CHRM5: variants seen among roughly 807,000 people sequenced by gnomAD.
CHRM5 encodes the protein cholinergic receptor muscarinic 5, also known as muscarinic acetylcholine receptor M5.
Under a neutral mutation model 39.0 loss-of-function variants are expected in CHRM5, and 18 were observed. That is an observed-to-expected ratio of 0.46 (90% CI 0.32 to 0.68). The LOEUF is 0.68. Ranked by LOEUF, CHRM5 falls within the 30% of genes least tolerant of loss-of-function variation. The probability of loss-of-function intolerance (pLI) is 0.04; values close to 1 mark genes in which losing one functional copy is unlikely to be tolerated. For missense variants in CHRM5, 515 were observed against 651.1 expected (o/e 0.79, Z 2.28); for synonymous variants, 241 against 246.3 (o/e 0.98, Z 0.20).
intron 1 of CHRM5, among the ~76,000 whole-genome samples, chr15:34,031,168 A>ATTTTT (rs34414446): frequency 0.036 from 2,454 of 67,422 alleles, 138 homozygotes; most frequent in African/African-American, 0.056. Flanking sequence ...GCTTAGGTTA[A>ATTTTT]TTTTTTTTTT....
At position 34,063,541 on chromosome 15, in the gene CHRM5, G is replaced by A. The variant is rs777572782; in HGVS notation, c.824G>A (p.Arg275His). The A allele has an allele frequency of 6.4e-5, 104 of 1,613,416 alleles. No homozygotes were observed. The highest frequency in any genetic ancestry group is 1.3e-4 in the East Asian group (6 of 44,870). ...AACCAGGCCTCCTGGTCATCCTCCC[G>A]CAGGAGCACCTCCACCACTGGGAAG... ...ERNQASWSSS[R>H]RSTSTTGKPS... Residue 275 changes from arginine to histidine, a missense_variant, in exon 3 of 3, where the codon CGC (arginine) becomes CAC (histidine). Coordinates refer to ENST00000383263, the MANE Select transcript of CHRM5 (RefSeq NM_012125.4). The surrounding 1 kb of genome is among the most constrained non-coding windows in gnomAD (Gnocchi z 4.1).
intron 1 of CHRM5, among the ~76,000 whole-genome samples, chr15:33,980,752 G>A (rs1896102191): frequency 6.6e-6 from 1 of 152,192 alleles, no homozygotes; most frequent in South Asian, 2.1e-4. Context: ...GCTCTAAGCA[G>A]AGTGTAGGCA....
intron 1 of CHRM5, chr15:34,038,749 G>C: frequency 8.7e-7 from 1 of 1,149,600 alleles, no homozygotes; most frequent in Non-Finnish European, 1.1e-6. Flanking sequence ...AGTTACACGC[G>C]GTCCCAGCCC....
chr15:34,045,321 G>A (rs1354825192), intron 1 of CHRM5, among the ~76,000 whole-genome samples: 2 of 152,108 alleles, frequency 1.3e-5, no homozygotes, highest in Admixed American at 6.6e-5. Flanking sequence ...GTATTAAGAG[G>A]TCATTTCTTA....
intron 2 of CHRM5, among the ~76,000 whole-genome samples, chr15:34,059,885 C>T (rs188555008): frequency 3.3e-5 from 5 of 152,320 alleles, no homozygotes; most frequent in Admixed American, 3.3e-4. Context: ...ACATTCCCAA[C>T]TAGTGTCTAA....
chr15:33,975,177 G>A (rs957146622), intron 1 of CHRM5, among the ~76,000 whole-genome samples: 2 of 152,058 alleles, frequency 1.3e-5, no homozygotes, highest in East Asian at 1.9e-4. Flanking sequence ...TCCTCCACAC[G>A]CTTCTTGGAC....
intron 1 of CHRM5, among the ~76,000 whole-genome samples, chr15:34,016,149 G>A (rs371446471): frequency 3.9e-5 from 6 of 152,262 alleles, no homozygotes; most frequent in African/African-American, 1.2e-4. Flanking sequence ...GGTGGTGCAC[G>A]CCTGTAATTC....
intron 1 of CHRM5, among the ~76,000 whole-genome samples, chr15:33,989,079 C>A (rs1038569092): frequency 5.3e-5 from 8 of 152,084 alleles, no homozygotes; most frequent in African/African-American, 1.9e-4. Context: ...TATTTTTAAT[C>A]ATCTTTCAAG....
intron 1 of CHRM5, among the ~76,000 whole-genome samples, chr15:33,989,024 T>C (rs527696339): frequency 2.2e-4 from 33 of 150,160 alleles, no homozygotes; most frequent in Admixed American, 1.5e-3. Context: ...TCAGGCTTCT[T>C]TTGCTTAGCA....
intron 1 of CHRM5, among the ~76,000 whole-genome samples, chr15:33,971,259 C>A (rs373149552): frequency 7.2e-5 from 11 of 152,040 alleles, no homozygotes; most frequent in African/African-American, 2.4e-4. Flanking sequence ...CTTGTTTCTG[C>A]AATTTAGAAT....
chr15:34,038,185 TAA>T (rs1172844818), intron 1 of CHRM5, among the ~76,000 whole-genome samples: 1 of 152,162 alleles, frequency 6.6e-6, no homozygotes, highest in African/African-American at 2.4e-5. Flanking sequence ...ACAGGCATAA[TAA>T]AAGAGAACTA....
chr15:34,026,195 A>G (rs953950687), intron 1 of CHRM5, among the ~76,000 whole-genome samples: 2 of 151,460 alleles, frequency 1.3e-5, no homozygotes, highest in African/African-American at 4.9e-5. Flanking sequence ...TTTTTTTTTT[A>G]CTTAAAAGTC....
intron 1 of CHRM5, among the ~76,000 whole-genome samples, chr15:33,990,232 CTT>C (rs1037971692): frequency 2.7e-5 from 4 of 150,756 alleles, no homozygotes; most frequent in African/African-American, 7.3e-5. Context: ...ACAAAAAAAA[CTT>C]AGCCAGGCGT....
At chr15:34,038,464 G>A (rs1387731308) in intron 1 of CHRM5, among the ~76,000 whole-genome samples, 2 of 152,120 alleles carry the variant, frequency 1.3e-5, no homozygotes, top group African/African-American at 4.8e-5. Flanking sequence ...ACGGGCCGCC[G>A]AGACTTGCAG....
chr15:33,973,828 T>C (rs1895752784), intron 1 of CHRM5, among the ~76,000 whole-genome samples: 1 of 152,240 alleles, frequency 6.6e-6, no homozygotes, highest in Non-Finnish European at 1.5e-5. Context: ...GACTAGTTAA[T>C]CAGCAGATGT....
chr15:34,037,472 G>T (rs4477671), intron 1 of CHRM5, among the ~76,000 whole-genome samples: 22,070 of 149,680 alleles, frequency 0.15, 2,035 homozygotes, highest in Middle Eastern at 0.27. Context: ...TCTATATATG[G>T]ATATATAAAT....
rs1394902808 is a variant in CHRM5 at position 34,066,274 on chromosome 15, C to G, written c.*1958C>G. The G allele has an allele frequency of 6.6e-6, 1 of 152,204 alleles. No homozygotes were observed. Among genetic ancestry groups the G allele is most frequent in the Non-Finnish European group, 1.5e-5 (1 of 68,048 alleles). The allele number at this position is 152,204 out of a possible 1,614,324, so 9.4% of individuals were successfully genotyped here. ...CATGAGCAAACCTGCTCTACCAGCG[C>G]CAGATAAACAGTTGAGTCTTCGTTT... is the stretch of plus-strand genomic sequence containing the variant. On this transcript the variant is annotated 3_prime_UTR_variant, in exon 3 of 3. Transcript: ENST00000383263.
At chr15:34,013,922 G>T (rs1040709177) in intron 1 of CHRM5, among the ~76,000 whole-genome samples, 1 of 152,144 alleles carries the variant, frequency 6.6e-6, no homozygotes, top group Admixed American at 6.5e-5. Flanking sequence ...GCTATCTTCC[G>T]CCTGCTGACT....
chr15:34,022,179 C>G (rs1309169447), intron 1 of CHRM5, among the ~76,000 whole-genome samples: 1 of 152,202 alleles, frequency 6.6e-6, no homozygotes, highest in Non-Finnish European at 1.5e-5. Flanking sequence ...GCTCCTCAGA[C>G]ATCAAATGAA....
Sources: gnomAD v4.1 joint callset for allele counts (sites outside exome capture counted in the v4.1 genomes callset) on GRCh38, gnomAD v4.1.1 for gene constraint, Gnocchi (gnomAD v3.1) non-coding constraint, MANE v1.5 for transcripts, NCBI Gene and HGNC (gene_info 2026-07-23, HGNC 2026-07-21) for gene names.